Variants in PCDHGA4 observed in about 807,000 individuals in gnomAD.
PCDHGA4 encodes the protein protocadherin gamma subfamily A, 4.
In PCDHGA4, 38 loss-of-function variants were observed where a neutral mutation model predicts 54.6. That is an observed-to-expected ratio of 0.70 (90% CI 0.54 to 0.91). The LOEUF (loss-of-function observed/expected upper bound fraction) is 0.91. Ranked by LOEUF, PCDHGA4 falls within the 40% of genes least tolerant of loss-of-function variation. The pLI is 0.00. For missense variants in PCDHGA4, 1,298 were observed against 1,220.9 expected, an observed-to-expected ratio of 1.06 and a Z score of -0.94; for synonymous variants, 511 against 512.9, an observed-to-expected ratio of 1.00 and a Z score of 0.05.
At chr5:141,508,123 G>A (rs989767852) in intron 3 of PCDHGA4, 1 of 152,616 alleles carries the variant, frequency 6.6e-6, no homozygotes, top group Non-Finnish European at 1.5e-5. Context: ...GAGGACAGAG[G>A]GAGGTCAGGG....
chr5:141,423,609 A>G lies in PCDHGA4; in HGVS notation c.2514+65988A>G, dbSNP rs748925693. The G allele has an allele frequency of 5.0e-6, 8 of 1,611,572 alleles. No homozygotes were observed. The South Asian group carries it at 7.7e-5, about 16-fold the overall frequency. ...GTGAGAAAAGCGAGCCACTCTTGAT[A>G]GCTGAAGACTCAGCTATCATTTTAG... On this transcript the variant is annotated intron_variant, in intron 1 of 3. Transcript: ENST00000571252.
chr5:141,452,165 C>T (rs917431071), intron 1 of PCDHGA4, among the ~76,000 whole-genome samples: 2 of 152,120 alleles, frequency 1.3e-5, no homozygotes, highest in African/African-American at 4.8e-5. Flanking sequence ...TATTCTATTA[C>T]TAACATTTTT....
At chr5:141,387,675 C>G in intron 1 of PCDHGA4, 1 of 729,278 alleles carries the variant, frequency 1.4e-6, no homozygotes, top group Non-Finnish European at 2.2e-6. Flanking sequence ...CAGATCTCCT[C>G]GCGCAGCCGC....
Position 141,491,622 on chromosome 5 carries a change from C to T in PCDHGA4, c.2515-3185C>T, listed in dbSNP as rs980546113. 15 of 1,613,786 alleles carry T rather than the reference C, an allele frequency of 9.3e-6. No individual in the cohort carries two copies. Among genetic ancestry groups the T allele is most frequent in the Non-Finnish European group, 1.3e-5 (15 of 1,180,002 alleles). Reference sequence around the variant, plus strand: ...ACTTCACTTTTCTAAGACCCCTCAGCGTTCAGCAGCCCACAGCTCTGGCGC... The same window carrying T: ...ACTTCACTTTTCTAAGACCCCTCAGTGTTCAGCAGCCCACAGCTCTGGCGC... On this transcript the variant is annotated intron_variant, in intron 1 of 3. Transcript: ENST00000571252. This position sits in a 1 kb window ranked among gnomAD's most constrained non-coding sequence, Gnocchi z 6.9.
intron 1 of PCDHGA4, among the ~76,000 whole-genome samples, chr5:141,459,971 A>G (rs1458539493): frequency 2.6e-5 from 4 of 152,208 alleles, no homozygotes; most frequent in Non-Finnish European, 5.9e-5. Flanking sequence ...CCAGCTACTC[A>G]GGAGGCTGAG....
Position 141,511,349 on chromosome 5 carries a change from C to T in PCDHGA4, c.*176C>T, listed in dbSNP as rs1463242262. The T allele has an allele frequency of 2.1e-6, 3 of 1,401,380 alleles. No homozygotes were observed. The highest frequency in any genetic ancestry group is 2.9e-5 in the African/African-American group (2 of 68,826). 86.8% of individuals were successfully genotyped at this position (1,401,380 alleles called of 1,614,324 possible). The stretch of plus-strand genomic sequence containing the variant: ...GCCCAGTCAGCACCTACCCCTTCCC[C>T]CCCAGGGGGTTGAATATGCAAAAGC... On this transcript the variant is annotated 3_prime_UTR_variant, in exon 4 of 4. Transcript: ENST00000571252.
chr5:141,447,328 C>T (rs546209008), intron 1 of PCDHGA4, among the ~76,000 whole-genome samples: 39 of 151,886 alleles, frequency 2.6e-4, no homozygotes, highest in Admixed American at 7.2e-4. Flanking sequence ...TTAGTAGAGA[C>T]GGGTTTCATC....
chr5:141,360,293 A>G, intron 1 of PCDHGA4: 1 of 1,613,970 alleles, frequency 6.2e-7, no homozygotes, highest in Non-Finnish European at 8.5e-7. Flanking sequence ...CTCGCCAAGG[A>G]TCTGGGGCTC....
chr5:141,404,886 C>T (rs1248535405), intron 1 of PCDHGA4: 2 of 1,613,906 alleles, frequency 1.2e-6, no homozygotes, highest in South Asian at 1.1e-5. Context: ...CTTGTGGTGG[C>T]TGTACAGGAC....
At chr5:141,427,573 T>C in intron 1 of PCDHGA4, 1 of 667,160 alleles carries the variant, frequency 1.5e-6, no homozygotes, top group Non-Finnish European at 2.8e-6. Context: ...AAGCCTCCGC[T>C]CTCATCCAGC....
In PCDHGA4 at chr5:141,489,120, G is replaced by C; in HGVS notation, c.2515-5687G>C. The C allele has an allele frequency of 1.1e-5, 5 of 445,662 alleles. No homozygotes were observed. Among genetic ancestry groups the C allele is most frequent in the East Asian group, 3.8e-5 (1 of 26,010 alleles). The allele number at this position is 445,662 out of a possible 1,614,324, so 27.6% of individuals were successfully genotyped here. ...AACTGCTGCAAGCAGGCAAACCTCC[G>C]AGCAGTTTTTAAGAGGCTGGAAGGA... On this transcript the variant is annotated intron_variant, in intron 1 of 3. Transcript: ENST00000571252. This position sits in a 1 kb window ranked among gnomAD's most constrained non-coding sequence, Gnocchi z 4.5.
At chr5:141,496,630 T>C (rs2099770022) in intron 2 of PCDHGA4, among the ~76,000 whole-genome samples, 1 of 152,202 alleles carries the variant, frequency 6.6e-6, no homozygotes, top group Non-Finnish European at 1.5e-5. Context: ...TCAAAAGGCT[T>C]GGGCTGCCCT....
intron 1 of PCDHGA4, among the ~76,000 whole-genome samples, chr5:141,439,243 T>C (rs2098101178): frequency 6.6e-6 from 1 of 151,962 alleles, no homozygotes; most frequent in Non-Finnish European, 1.5e-5. Flanking sequence ...CCTATACAAT[T>C]TCAGCTGAAG....
chr5:141,486,722 G>C lies in PCDHGA4; in HGVS notation c.2515-8085G>C, dbSNP rs1235454839. The C allele has an allele frequency of 6.2e-7, 1 of 1,614,200 alleles. No homozygotes were observed. Among genetic ancestry groups the C allele is most frequent in the East Asian group, 2.2e-5 (1 of 44,874 alleles). ...CTCTCTGAACCCCCAGACAGGAGCT[G>C]TTCATGCTACTCGATCCTTTGACTA... On this transcript the variant is annotated intron_variant, in intron 1 of 3. Transcript: ENST00000571252. This position sits in a 1 kb window ranked among gnomAD's most constrained non-coding sequence, Gnocchi z 5.0.
intron 1 of PCDHGA4, chr5:141,422,634 T>C: frequency 1.9e-6 from 3 of 1,612,682 alleles, no homozygotes; most frequent in Non-Finnish European, 2.5e-6. Flanking sequence ...ACCCCAGGGG[T>C]GCCTCCATCT....
At position 141,395,404 on chromosome 5, in the gene PCDHGA4, T is replaced by G. The variant is rs1482913976; in HGVS notation, c.2514+37783T>G. 24 of 836,172 alleles carry G rather than the reference T, an allele frequency of 2.9e-5. No homozygotes were observed. The East Asian group carries it at 6.2e-4, about 21-fold the overall frequency. 51.8% of individuals were successfully genotyped at this position (836,172 alleles called of 1,614,324 possible). A position where few individuals can be genotyped will look rare whatever the true frequency, so the allele number is the denominator to read the frequency against. ...CTATAAAATTGAACTCTAATAGTCA[T>G]AGGTTATTGTTTCATTTGCTTTTAA... On this transcript the variant is annotated intron_variant, in intron 1 of 3. Transcript: ENST00000571252.
intron 1 of PCDHGA4, among the ~76,000 whole-genome samples, chr5:141,465,319 T>A (rs184635197): frequency 4.6e-5 from 7 of 152,324 alleles, no homozygotes; most frequent in Admixed American, 1.3e-4. Flanking sequence ...GCCATGTCAA[T>A]GCAGTATTTT....
chr5:141,417,634 G>A, intron 1 of PCDHGA4: 1 of 721,778 alleles, frequency 1.4e-6, no homozygotes, highest in Non-Finnish European at 2.1e-6. Context: ...GCTGACGCCG[G>A]GGATCCCTCA....
rs1561685937 is a variant in PCDHGA4 at position 141,403,112 on chromosome 5, C to T, written c.2514+45491C>T. On this transcript the variant is annotated intron_variant, in intron 1 of 3. Coordinates refer to ENST00000571252, the MANE Select transcript of PCDHGA4 (RefSeq NM_018917.4). ...GGGCAACATCTCCAAGGACCTGGCT[C>T]TGGAGCCCCGGGAGCTGGCGGAGCG... 5.6e-6 allele frequency: 9 copies of T among 1,614,074 alleles called. No individual in the cohort carries two copies. In the East Asian group the frequency reaches 2.0e-4, roughly 36 times the overall value.
Sources: allele counts gnomAD v4.1 joint callset (sites outside exome capture counted in the v4.1 genomes callset), GRCh38; gene constraint gnomAD v4.1.1; non-coding constraint Gnocchi (gnomAD v3.1); transcripts MANE v1.5; gene names NCBI Gene and HGNC (gene_info 2026-07-23, HGNC 2026-07-21).